TCF12: variants seen among roughly 807,000 people sequenced by gnomAD.
TCF12 encodes the protein transcription factor 12.
TCF12 carries 45 observed loss-of-function variants against 86.0 expected under a neutral mutation model. That is an observed-to-expected ratio of 0.52 (90% CI 0.41 to 0.67). TCF12 has a LOEUF of 0.67. TCF12 is among the 30% of genes least tolerant of loss of function. The pLI, the probability that TCF12 is intolerant of heterozygous loss-of-function variation, is 0.00. For missense variants in TCF12, 881 were observed against 859.9 expected (o/e 1.02, Z -0.31); for synonymous variants, 330 against 299.6 (o/e 1.10, Z -1.05).
chr15:57,089,191 G>T (rs1439205543), intron 4 of TCF12, among the ~76,000 whole-genome samples: 8 of 152,168 alleles, frequency 5.3e-5, no homozygotes, highest in African/African-American at 1.9e-4. Flanking sequence ...TTGGACAGTG[G>T]CTTTTAAACA....
intron 3 of TCF12, among the ~76,000 whole-genome samples, chr15:56,935,746 T>G (rs2060441845): frequency 6.6e-6 from 1 of 152,224 alleles, no homozygotes; most frequent in Non-Finnish European, 1.5e-5. Flanking sequence ...CATTCCTGAG[T>G]TAACTTCTCT....
At chr15:57,236,110 A>C (rs1387575814) in intron 12 of TCF12, among the ~76,000 whole-genome samples, 2 of 152,130 alleles carry the variant, frequency 1.3e-5, no homozygotes, top group African/African-American at 4.8e-5. Context: ...TCATTCCATA[A>C]ATCATTTCTG....
At chr15:56,934,370 A>G (rs1319576649) in intron 3 of TCF12, among the ~76,000 whole-genome samples, 2 of 152,358 alleles carry the variant, frequency 1.3e-5, no homozygotes, top group South Asian at 2.1e-4. Context: ...ATACACTTTT[A>G]TACTCCTGAG....
intron 3 of TCF12, among the ~76,000 whole-genome samples, chr15:56,984,056 T>C (rs2063038167): frequency 6.8e-6 from 1 of 146,542 alleles, no homozygotes; most frequent in African/African-American, 2.6e-5. Context: ...TTGACCTCTT[T>C]TTGTTTAGTG....
intron 3 of TCF12, among the ~76,000 whole-genome samples, chr15:56,955,777 C>A (rs1354944476): frequency 1.3e-5 from 2 of 152,056 alleles, no homozygotes; most frequent in African/African-American, 4.8e-5. Context: ...TCAAGTCTTT[C>A]ATGTTCTTTT....
intron 3 of TCF12, among the ~76,000 whole-genome samples, chr15:57,028,215 G>A (rs940723352): frequency 9.2e-5 from 14 of 152,200 alleles, no homozygotes; most frequent in African/African-American, 3.1e-4. Flanking sequence ...TGATCTGCCC[G>A]CTTTGGCCTC....
At chr15:57,259,794 G>A (rs1416646328) in intron 16 of TCF12, among the ~76,000 whole-genome samples, 1 of 152,146 alleles carries the variant, frequency 6.6e-6, no homozygotes, top group Non-Finnish European at 1.5e-5. Flanking sequence ...TCTAGGCTCA[G>A]ACAAAGAACT....
At chr15:57,283,079 T>C (rs1227419475) in intron 20 of TCF12, among the ~76,000 whole-genome samples, 1 of 152,240 alleles carries the variant, frequency 6.6e-6, no homozygotes, top group African/African-American at 2.4e-5. Flanking sequence ...GTTTATGATA[T>C]GATGCTTCTT....
chr15:57,097,080 G>A (rs2049376900), intron 5 of TCF12, among the ~76,000 whole-genome samples: 1 of 151,906 alleles, frequency 6.6e-6, no homozygotes. Flanking sequence ...CTTTTTTTCT[G>A]TATATTTGGT....
At chr15:57,242,843 A>G (rs1472647792) in intron 12 of TCF12, among the ~76,000 whole-genome samples, 1 of 152,236 alleles carries the variant, frequency 6.6e-6, no homozygotes, top group Non-Finnish European at 1.5e-5. Context: ...TTTGAAGTCC[A>G]CAAATCATCT....
At chr15:57,243,034 G>T (rs1597576505) in intron 12 of TCF12, among the ~76,000 whole-genome samples, 1 of 152,110 alleles carries the variant, frequency 6.6e-6, no homozygotes, top group Admixed American at 6.5e-5. Flanking sequence ...CTATTAAAAA[G>T]ATTATTTTCT....
At chr15:57,248,137 C>T (rs539792185) in intron 13 of TCF12, 2 of 701,768 alleles carry the variant, frequency 2.8e-6, no homozygotes, top group Non-Finnish European at 5.2e-6. Flanking sequence ...TTTAAGGATC[C>T]TTTTCCAGAA....
chr15:57,058,348 T>C (rs1310719785), intron 3 of TCF12, among the ~76,000 whole-genome samples: 2 of 152,204 alleles, frequency 1.3e-5, no homozygotes, highest in Non-Finnish European at 2.9e-5. Flanking sequence ...AACAATAATA[T>C]AGCAAAATCT....
intron 4 of TCF12, among the ~76,000 whole-genome samples, chr15:57,087,429 T>TTA (rs1186513458): frequency 0.041 from 6,088 of 146,756 alleles, 351 homozygotes; most frequent in African/African-American, 0.13. Context: ...AAAAAAAAAT[T>TTA]TATATATATA....
At chr15:56,976,044 T>C (rs116371899) in intron 3 of TCF12, among the ~76,000 whole-genome samples, 2 of 151,984 alleles carry the variant, frequency 1.3e-5, no homozygotes, top group Non-Finnish European at 1.5e-5. Flanking sequence ...CCGTATATGT[T>C]TAAATGGATG....
intron 4 of TCF12, among the ~76,000 whole-genome samples, chr15:57,065,899 T>A (rs1199277248): frequency 6.6e-6 from 1 of 152,134 alleles, no homozygotes; most frequent in Non-Finnish European, 1.5e-5. Context: ...TAGAACCACA[T>A]ATGTATTTCT....
At chr15:57,076,678 T>C (rs2070084799) in intron 4 of TCF12, among the ~76,000 whole-genome samples, 1 of 152,042 alleles carries the variant, frequency 6.6e-6, no homozygotes, top group African/African-American at 2.4e-5. Flanking sequence ...GAATAAACTT[T>C]TTCCCACATT....
chr15:57,243,326 A>G, intron 12 of TCF12, 146 bp from the exon 13 acceptor site: 1 of 584,490 alleles, frequency 1.7e-6, no homozygotes, highest in Non-Finnish European at 3.0e-6. Context: ...CTGTATGATG[A>G]AACAGTCTAA....
At chr15:57,044,726 A>G (rs2067120312) in intron 3 of TCF12, among the ~76,000 whole-genome samples, 1 of 151,616 alleles carries the variant, frequency 6.6e-6, no homozygotes, top group Non-Finnish European at 1.5e-5. Flanking sequence ...TTTTTATAAG[A>G]CTGTGTTTAG....
Sources: gnomAD v4.1 joint callset for allele counts (sites outside exome capture counted in the v4.1 genomes callset) on GRCh38, gnomAD v4.1.1 for gene constraint, MANE v1.5 for transcripts, NCBI Gene and HGNC (gene_info 2026-07-23, HGNC 2026-07-21) for gene names.